Variants in GRAMD4 observed in about 807,000 individuals in gnomAD.
The protein encoded by GRAMD4 is GRAM domain-containing protein 4.
Under a neutral mutation model 83.9 loss-of-function variants are expected in GRAMD4, and 25 were observed. The ratio of observed to expected loss-of-function variants is 0.30; its 90% CI spans 0.22 to 0.42. The LOEUF is 0.42. Among genes scored for constraint, GRAMD4 ranks in the 10% least tolerant of loss-of-function variants. GRAMD4 has a pLI of 1.00. For missense variants in GRAMD4, 593 were observed against 788.7 expected (o/e 0.75, Z 2.97); for synonymous variants, 336 against 320.9 (o/e 1.05, Z -0.50).
At chr22:46,663,647 G>A (rs1479105754) in intron 6 of GRAMD4, among the ~76,000 whole-genome samples, 191 bp from the exon 7 acceptor site, 1 of 152,198 alleles carries the variant, frequency 6.6e-6, no homozygotes, top group East Asian at 1.9e-4. Flanking sequence ...TTGGGGAGTG[G>A]CACTGAGGGC....
intron 2 of GRAMD4, among the ~76,000 whole-genome samples, chr22:46,634,312 G>T (rs1316402873): frequency 6.6e-6 from 1 of 152,190 alleles, no homozygotes; most frequent in Non-Finnish European, 1.5e-5. Context: ...GGGTGGCTAG[G>T]TTTGACTCAA....
chr22:46,580,660 G>A (rs11090889), intron 1 of GRAMD4, among the ~76,000 whole-genome samples: 39,820 of 152,056 alleles, frequency 0.26, 5,990 homozygotes, highest in East Asian at 0.64. Context: ...AGAGACAGAG[G>A]TGGCGCAAGA....
chr22:46,667,941 C>G (rs913416896), intron 10 of GRAMD4, among the ~76,000 whole-genome samples, 155 bp from the exon 11 acceptor site: 2 of 152,228 alleles, frequency 1.3e-5, no homozygotes, highest in Non-Finnish European at 2.9e-5. Context: ...TAGGGGTGTC[C>G]TCCTGGTGCC....
At chr22:46,585,340 A>G (rs1473373293) in intron 1 of GRAMD4, among the ~76,000 whole-genome samples, 2 of 151,848 alleles carry the variant, frequency 1.3e-5, no homozygotes, top group African/African-American at 2.4e-5. Flanking sequence ...ACAGGCACGC[A>G]CCACAACGCC....
intron 1 of GRAMD4, among the ~76,000 whole-genome samples, chr22:46,603,640 T>A (rs1175234673): frequency 6.7e-6 from 1 of 149,308 alleles, no homozygotes; most frequent in Non-Finnish European, 1.5e-5. Flanking sequence ...CCTCAGCCTC[T>A]CGAGTAGCTG....
chr22:46,576,767 G>A (rs1315733572), upstream of GRAMD4, among the ~76,000 whole-genome samples: 1 of 130,392 alleles, frequency 7.7e-6, no homozygotes, highest in Non-Finnish European at 1.6e-5. Context: ...CGGGGCGCGG[G>A]CGAGGCCACA....
chr22:46,665,475 C>T (rs544481927), intron 8 of GRAMD4, 140 bp from the exon 9 acceptor site: 29 of 602,208 alleles, frequency 4.8e-5, no homozygotes, highest in Middle Eastern at 8.9e-4. Flanking sequence ...ATCAGACGCA[C>T]CCTCATCCCT....
downstream of GRAMD4, among the ~76,000 whole-genome samples, chr22:46,680,477 G>A (rs963828580): frequency 7.2e-5 from 11 of 151,898 alleles, no homozygotes; most frequent in East Asian, 1.9e-4. Context: ...GCACAGCTTC[G>A]GAAAGTAGGA....
chr22:46,618,470 C>T (rs113256635), upstream of GRAMD4, among the ~76,000 whole-genome samples: 1,823 of 152,174 alleles, frequency 0.012, 19 homozygotes, highest in Non-Finnish European at 0.022. The surrounding 1 kb of genome is among the most constrained non-coding windows in gnomAD (Gnocchi z 5.8). Context: ...GGGACAGAGG[C>T]GGTGGTCGGA....
At chr22:46,648,349 GAT>G (rs2147274650) in intron 3 of GRAMD4, among the ~76,000 whole-genome samples, 1 of 142,864 alleles carries the variant, frequency 7.0e-6, no homozygotes, top group South Asian at 2.1e-4. Flanking sequence ...TGGATGGATG[GAT>G]GGATGGATGA....
chr22:46,629,900 C>T (rs759403806), intron 2 of GRAMD4, among the ~76,000 whole-genome samples: 2 of 152,190 alleles, frequency 1.3e-5, no homozygotes, highest in African/African-American at 2.4e-5. Context: ...CATGAGGCCT[C>T]GTGTGTCTGT....
At chr22:46,598,257 C>T (rs2081281278) in intron 1 of GRAMD4, among the ~76,000 whole-genome samples, 1 of 152,124 alleles carries the variant, frequency 6.6e-6, no homozygotes, top group African/African-American at 2.4e-5. Context: ...GATAGGATTA[C>T]AGGTGTGAGC....
downstream of GRAMD4, chr22:46,682,341 A>T: frequency 1.4e-6 from 1 of 728,608 alleles, no homozygotes; most frequent in Non-Finnish European, 1.7e-6. Flanking sequence ...ACCATGCACG[A>T]TTGTAAAGAA....
At chr22:46,679,871 T>C, downstream of GRAMD4, 2 of 806,394 alleles carry the variant, frequency 2.5e-6, no homozygotes, top group Non-Finnish European at 3.0e-6. Flanking sequence ...AGGCCCTCAG[T>C]GCCGCTGCCA....
chr22:46,623,171 C>T (rs943930426), intron 1 of GRAMD4, among the ~76,000 whole-genome samples: 55 of 151,998 alleles, frequency 3.6e-4, no homozygotes, highest in East Asian at 1.9e-4. Context: ...TTTACAAGGA[C>T]GGGGTCCTGT....
chr22:46,639,218 G>A (rs960813313), intron 3 of GRAMD4, among the ~76,000 whole-genome samples: 15 of 151,480 alleles, frequency 9.9e-5, no homozygotes, highest in African/African-American at 3.6e-4. Flanking sequence ...ATGCATGTGT[G>A]TGAGTAGTTA....
intron 1 of GRAMD4, among the ~76,000 whole-genome samples, chr22:46,587,159 C>T (rs1207916974): frequency 1.3e-5 from 2 of 152,320 alleles, no homozygotes; most frequent in East Asian, 1.9e-4. Flanking sequence ...CAGCTGACAA[C>T]AGGAGTGGAC....
At chr22:46,637,154 G>A (rs534320854) in intron 2 of GRAMD4, among the ~76,000 whole-genome samples, 19 of 152,286 alleles carry the variant, frequency 1.2e-4, no homozygotes, top group East Asian at 1.9e-4. Context: ...ACGGCCAGCC[G>A]GACACACGGG....
chr22:46,584,166 T>A (rs1415321149), intron 1 of GRAMD4, among the ~76,000 whole-genome samples: 3 of 152,106 alleles, frequency 2.0e-5, no homozygotes, highest in Non-Finnish European at 4.4e-5. Context: ...TGTGAGATGC[T>A]CCAGGCTCAG....
Sources: allele counts gnomAD v4.1 joint callset (sites outside exome capture counted in the v4.1 genomes callset), GRCh38; gene constraint gnomAD v4.1.1; non-coding constraint Gnocchi (gnomAD v3.1); transcripts MANE v1.5; gene names NCBI Gene and HGNC (gene_info 2026-07-23, HGNC 2026-07-21).